Variants in NAV3 observed in about 807,000 individuals in gnomAD.
The protein encoded by NAV3 is pore membrane and/or filament interacting like protein 1.
NAV3 carries 87 observed loss-of-function variants against 244.7 expected under a neutral mutation model. The observed-to-expected ratio is 0.36, with a 90% CI of 0.30 to 0.42. NAV3 has a LOEUF of 0.42. Among genes scored for constraint, NAV3 ranks in the 20% least tolerant of loss-of-function variants. The pLI is 1.00. For missense variants in NAV3, 2,663 were observed against 2,893.3 expected (o/e 0.92, Z 1.83); for synonymous variants, 1,126 against 1,042.2 (o/e 1.08, Z -1.55).
At chr12:77,887,004 A>G (rs1475012798) in intron 1 of NAV3, among the ~76,000 whole-genome samples, 3 of 152,170 alleles carry the variant, frequency 2.0e-5, no homozygotes, top group South Asian at 2.1e-4. Context: ...CTAAACAAAC[A>G]TGAATTAGGT....
At chr12:77,704,737 T>A (rs1875714799) in intron 2 of NAV3, among the ~76,000 whole-genome samples, 1 of 152,168 alleles carries the variant, frequency 6.6e-6, no homozygotes. Context: ...AAAAGATATG[T>A]TACAAAACAT....
At chr12:78,210,181 C>A (rs1430312906) in intron 39 of NAV3, among the ~76,000 whole-genome samples, 1 of 152,130 alleles carries the variant, frequency 6.6e-6, no homozygotes, top group Non-Finnish European at 1.5e-5. Flanking sequence ...AAAGAGTTAT[C>A]CAGAGGCCCT....
rs1565970792 is a variant in NAV3, at chr12:77,968,595, T to C, written c.564T>C (p.His188=). 1 of 1,614,096 alleles carries C rather than the reference T, an allele frequency of 6.2e-7. No individual in the cohort carries two copies. The highest frequency in any genetic ancestry group is 8.5e-7 in the Non-Finnish European group (1 of 1,180,004). ...CTCGCTACAAGCAGCAACAACACCATCAACAACAGTACTATCAGTCCTTGG... is the reference window on the plus strand; with the variant it reads ...CTCGCTACAAGCAGCAACAACACCACCAACAACAGTACTATCAGTCCTTGG... ...SLSRYKQQQH[H]QQQYYQSLVE... The change falls in exon 5 of 40, where the codon CAT becomes CAC. Residue 188 remains histidine, a synonymous_variant. Transcript: ENST00000397909.
At chr12:78,032,748 T>C (rs185541299) in intron 9 of NAV3, among the ~76,000 whole-genome samples, 1 of 152,340 alleles carries the variant, frequency 6.6e-6, no homozygotes, top group East Asian at 1.9e-4. Flanking sequence ...TGCTTTGGCT[T>C]GAGTTTTATT....
At chr12:78,124,109 T>C (rs560683870) in intron 16 of NAV3, among the ~76,000 whole-genome samples, 86 of 152,330 alleles carry the variant, frequency 5.6e-4, no homozygotes, top group Non-Finnish European at 7.8e-4. Context: ...AACTGGTCAT[T>C]TTTTAATTAT....
chr12:77,990,053 T>C (rs887558518), intron 5 of NAV3, among the ~76,000 whole-genome samples: 4 of 152,208 alleles, frequency 2.6e-5, no homozygotes, highest in African/African-American at 9.6e-5. Context: ...AGTATATATC[T>C]GTGAAAGATA....
chr12:78,010,996 A>T (rs989987897), intron 8 of NAV3: 2 of 152,160 alleles, frequency 1.3e-5, no homozygotes, highest in Admixed American at 6.5e-5. Flanking sequence ...TATTCTGTAC[A>T]TAGTTTCAGT....
At chr12:78,125,947 A>G (rs1262596623) in intron 16 of NAV3, among the ~76,000 whole-genome samples, 3 of 152,246 alleles carry the variant, frequency 2.0e-5, no homozygotes, top group African/African-American at 7.2e-5. Flanking sequence ...ACATGGAAAT[A>G]AATAATCCTT....
intron 2 of NAV3, among the ~76,000 whole-genome samples, chr12:77,663,206 T>G (rs1873547227): frequency 6.6e-6 from 1 of 152,176 alleles, no homozygotes; most frequent in South Asian, 2.1e-4. Flanking sequence ...GAATTAAGAT[T>G]TTTAACTACA....
chr12:77,623,263 G>A (rs1175978835), intron 2 of NAV3, among the ~76,000 whole-genome samples: 1 of 152,112 alleles, frequency 6.6e-6, no homozygotes, highest in African/African-American at 2.4e-5. Flanking sequence ...AACAAAATTA[G>A]TTTAAAAATA....
intron 11 of NAV3, 78 bp downstream of exon 11, chr12:78,051,225 G>T: frequency 6.7e-7 from 1 of 1,486,898 alleles, no homozygotes; most frequent in Non-Finnish European, 9.1e-7. Context: ...ATAAACAAAT[G>T]TGTAAGTTTG....
chr12:77,871,263 A>C lies in NAV3; in HGVS notation c.243+39559A>C, dbSNP rs377079292. Among the ~76,000 whole-genome samples the C allele has an allele frequency of 3.3e-5, 5 of 152,284 alleles. No individual in the cohort carries two copies. The South Asian group carries it at 6.2e-4, about 19-fold the overall frequency. On this transcript the variant is annotated intron_variant, in intron 1 of 39. Transcript: ENST00000397909. ...TAAGAAGAAGAAAAAAATTAGTAAA[A>C]GATTGCTTTTGAAATTTTCTATTTT...
chr12:77,954,476 A>G (rs984818085), intron 3 of NAV3, among the ~76,000 whole-genome samples: 5 of 152,224 alleles, frequency 3.3e-5, no homozygotes, highest in African/African-American at 1.2e-4. Context: ...GTGTAAGCTT[A>G]TATAAACTAT....
intron 2 of NAV3, among the ~76,000 whole-genome samples, chr12:77,721,755 G>C (rs1307958330): frequency 1.3e-5 from 2 of 152,108 alleles, no homozygotes; most frequent in Non-Finnish European, 2.9e-5. Context: ...TGGGAATGTA[G>C]CAATTTACAT....
At chr12:77,791,709 C>A (rs1326112879) in intron 2 of NAV3, among the ~76,000 whole-genome samples, 1 of 152,172 alleles carries the variant, frequency 6.6e-6, no homozygotes, top group Non-Finnish European at 1.5e-5. Context: ...TATCCAAGGA[C>A]TCCCCATTCG....
chr12:78,169,913 T>G (rs1361852912), intron 24 of NAV3, among the ~76,000 whole-genome samples: 1 of 151,816 alleles, frequency 6.6e-6, no homozygotes, highest in Non-Finnish European at 1.5e-5. Context: ...TTTCTTCTGT[T>G]CCTTTGAAAT....
chr12:77,580,311 C>G (rs1208408067), intron 2 of NAV3, among the ~76,000 whole-genome samples: 1 of 151,976 alleles, frequency 6.6e-6, no homozygotes, highest in Non-Finnish European at 1.5e-5. Context: ...CCACCCTAGC[C>G]CCAGGACAGA....
At chr12:77,689,703 G>C (rs1357157095) in intron 2 of NAV3, among the ~76,000 whole-genome samples, 2 of 151,754 alleles carry the variant, frequency 1.3e-5, no homozygotes, top group East Asian at 1.9e-4. Context: ...TTATCATAAA[G>C]GTGACATCAT....
chr12:77,884,626 C>G, intron 1 of NAV3, among the ~76,000 whole-genome samples: 1 of 152,134 alleles, frequency 6.6e-6, no homozygotes, highest in Non-Finnish European at 1.5e-5. Context: ...TTCTCTCATC[C>G]AAACAGGATC....
Sources: gnomAD v4.1 joint callset for allele counts (sites outside exome capture counted in the v4.1 genomes callset) on GRCh38, gnomAD v4.1.1 for gene constraint, MANE v1.5 for transcripts, NCBI Gene and HGNC (gene_info 2026-07-23, HGNC 2026-07-21) for gene names.